Variants in CTNND2 observed in about 807,000 individuals in gnomAD.
The protein encoded by CTNND2 is catenin delta 2.
Under a neutral mutation model 144.4 loss-of-function variants are expected in CTNND2, and 22 were observed. The ratio of observed to expected loss-of-function variants is 0.15; its 90% CI spans 0.11 to 0.22. The LOEUF is 0.22. CTNND2 is among the 10% of genes least tolerant of loss of function. CTNND2 has a pLI of 1.00. For missense variants in CTNND2, 1,353 were observed against 1,618.8 expected (o/e 0.84, Z 2.82); for synonymous variants, 751 against 695.6 (o/e 1.08, Z -1.25).
chr5:11,133,667 G>T (rs1755838504), intron 12 of CTNND2, among the ~76,000 whole-genome samples: 1 of 152,144 alleles, frequency 6.6e-6, no homozygotes, highest in Non-Finnish European at 1.5e-5. Context: ...TTAAATTTCT[G>T]AAAGAAATTT....
At chr5:11,643,591 T>G (rs1311997902) in intron 2 of CTNND2, among the ~76,000 whole-genome samples, 1 of 152,014 alleles carries the variant, frequency 6.6e-6, no homozygotes, top group Non-Finnish European at 1.5e-5. Flanking sequence ...CTGCATAGTA[T>G]TCCATGGTGT....
At chr5:11,456,739 T>G (rs984003066) in intron 3 of CTNND2, among the ~76,000 whole-genome samples, 8 of 152,226 alleles carry the variant, frequency 5.3e-5, no homozygotes, top group Admixed American at 3.3e-4. Context: ...AAGATAAAGC[T>G]TTCAATATAT....
At chr5:11,346,325 CA>C (rs1754772205) in intron 9 of CTNND2, 46 bp downstream of exon 9, 1 of 1,368,252 alleles carries the variant, frequency 7.3e-7, no homozygotes, top group Admixed American at 3.0e-5. Context: ...TACCAGGTTA[CA>C]AAACCTCTTT....
intron 16 of CTNND2, among the ~76,000 whole-genome samples, chr5:11,078,951 T>C (rs1749244459): frequency 6.6e-6 from 1 of 152,216 alleles, no homozygotes; most frequent in Non-Finnish European, 1.5e-5. Flanking sequence ...GTATGGTGAA[T>C]CTGTTAGACA....
intron 9 of CTNND2, among the ~76,000 whole-genome samples, chr5:11,345,358 A>G (rs1754665635): frequency 6.6e-6 from 1 of 152,222 alleles, no homozygotes; most frequent in African/African-American, 2.4e-5. Flanking sequence ...TATACCAAAT[A>G]CAATATTTAA....
intron 2 of CTNND2, among the ~76,000 whole-genome samples, chr5:11,596,562 T>C (rs550692989): frequency 6.6e-6 from 1 of 152,376 alleles, no homozygotes; most frequent in Admixed American, 6.5e-5. Flanking sequence ...GAGTAATTTC[T>C]TGAAGATATA....
chr5:11,542,247 C>T (rs900501068), intron 3 of CTNND2, among the ~76,000 whole-genome samples: 1 of 152,024 alleles, frequency 6.6e-6, no homozygotes, highest in Non-Finnish European at 1.5e-5. Context: ...GGACAGAACG[C>T]CTTCTTTTCA....
At position 11,473,080 on chromosome 5, in the gene CTNND2, G is replaced by C. The variant is rs1253012929; in HGVS notation, c.288-61011C>G. Among the ~76,000 whole-genome samples the C allele has an allele frequency of 2.0e-5, 3 of 152,072 alleles. No homozygotes were observed. The East Asian group carries it at 5.8e-4, about 29-fold the overall frequency. On this transcript the variant is annotated intron_variant, in intron 3 of 21. Coordinates refer to ENST00000304623, the MANE Select transcript of CTNND2 (RefSeq NM_001332.4). ...GCAAAACTCTGCCTCAAAAAAGAAAGAAAGAAAGAAAAAATTAGTGACAGG... is the reference window on the plus strand; with the variant it reads ...GCAAAACTCTGCCTCAAAAAAGAAACAAAGAAAGAAAAAATTAGTGACAGG...
intron 1 of CTNND2, among the ~76,000 whole-genome samples, chr5:11,800,278 G>A (rs1304130039): frequency 6.6e-6 from 1 of 152,046 alleles, no homozygotes; most frequent in East Asian, 1.9e-4. Context: ...GAACTTCTGA[G>A]AAGAACTGAA....
chr5:11,833,637 C>T lies in CTNND2; in HGVS notation c.37+70180G>A, dbSNP rs539579724. Among the ~76,000 whole-genome samples the T allele has an allele frequency of 7.9e-5, 12 of 152,242 alleles. No homozygotes were observed. The East Asian group carries it at 2.3e-3, about 30-fold the overall frequency. On this transcript the variant is annotated intron_variant, in intron 1 of 21. Coordinates refer to ENST00000304623, the MANE Select transcript of CTNND2 (RefSeq NM_001332.4). ...CTCCCAGGTTGAAGCGATTCTCCTG[C>T]CTCAGCCTCCCGAGTAGCTGGGATT...
At chr5:11,494,830 AT>A (rs1168184641) in intron 3 of CTNND2, among the ~76,000 whole-genome samples, 1 of 152,222 alleles carries the variant, frequency 6.6e-6, no homozygotes, top group Non-Finnish European at 1.5e-5. Context: ...AATTGAGTCA[AT>A]AAAAAAGTAA....
chr5:11,424,605 C>A (rs942963106), intron 3 of CTNND2, among the ~76,000 whole-genome samples: 1 of 150,144 alleles, frequency 6.7e-6, no homozygotes, highest in Admixed American at 6.6e-5. Context: ...TTAGAAGAGA[C>A]GTGTGTGTGT....
At chr5:11,782,852 A>C (rs1790618125) in intron 1 of CTNND2, among the ~76,000 whole-genome samples, 1 of 152,184 alleles carries the variant, frequency 6.6e-6, no homozygotes, top group African/African-American at 2.4e-5. Flanking sequence ...GAGTATTTTC[A>C]GGGACCGAGT....
chr5:11,805,061 G>T (rs991790736), intron 1 of CTNND2, among the ~76,000 whole-genome samples: 2 of 152,110 alleles, frequency 1.3e-5, no homozygotes, highest in Non-Finnish European at 2.9e-5. Context: ...ATGGGTTAAC[G>T]ACTGTGATCT....
At chr5:11,683,948 T>C (rs1445497966) in intron 2 of CTNND2, among the ~76,000 whole-genome samples, 1 of 152,136 alleles carries the variant, frequency 6.6e-6, no homozygotes, top group Non-Finnish European at 1.5e-5. Context: ...AGTCCTAACA[T>C]GTTATGACAG....
intron 10 of CTNND2, among the ~76,000 whole-genome samples, chr5:11,236,207 C>A (rs1023911424): frequency 6.6e-6 from 1 of 152,198 alleles, no homozygotes; most frequent in African/African-American, 2.4e-5. Context: ...TAAATAGCAC[C>A]AAACACTTGG....
At position 11,903,082 on chromosome 5, in the gene CTNND2, G is replaced by T. The variant is rs1290864689; in HGVS notation, c.37+735C>A. The T allele has an allele frequency of 1.6e-6, 1 of 616,780 alleles. No homozygotes were observed. The highest frequency in any genetic ancestry group is 2.0e-5 in the African/African-American group (1 of 49,998). 38.2% of individuals were successfully genotyped at this position (616,780 alleles called of 1,614,324 possible). On this transcript the variant is annotated intron_variant, in intron 1 of 21. Coordinates refer to ENST00000304623, the MANE Select transcript of CTNND2 (RefSeq NM_001332.4). The surrounding 1 kb of genome is among the most constrained non-coding windows in gnomAD (Gnocchi z 5.4). ...AATAAGATGAGGGTCGGGAAAAAAA[G>T]AAAAAAGCAGCTTCGCTTTCAGCCA...
intron 3 of CTNND2, among the ~76,000 whole-genome samples, chr5:11,429,539 A>G (rs1763090131): frequency 6.6e-6 from 1 of 152,106 alleles, no homozygotes; most frequent in African/African-American, 2.4e-5. Context: ...TAATTTGTTG[A>G]TTTAATCTGG....
At chr5:11,488,596 G>A (rs1249298471) in intron 3 of CTNND2, among the ~76,000 whole-genome samples, 1 of 152,110 alleles carries the variant, frequency 6.6e-6, no homozygotes, top group Non-Finnish European at 1.5e-5. Context: ...GGTAATTTTG[G>A]TATATGGTTT....
Sources: allele counts gnomAD v4.1 joint callset (sites outside exome capture counted in the v4.1 genomes callset), GRCh38; gene constraint gnomAD v4.1.1; non-coding constraint Gnocchi (gnomAD v3.1); transcripts MANE v1.5; gene names NCBI Gene and HGNC (gene_info 2026-07-23, HGNC 2026-07-21).